ZC3H11C: variants seen among roughly 807,000 people sequenced by gnomAD.
The protein encoded by ZC3H11C is zinc finger CCCH-type containing 11C.
the ZC3H11C span, among the ~76,000 whole-genome samples, chr6:65,305,920 G>A: frequency 1.7e-3 from 254 of 152,266 alleles, 8 homozygotes; most frequent in East Asian, 0.04. Flanking sequence ...GGCTGTAGCA[G>A]TACACTGAAT....
chr6:65,306,233 G>A, the ZC3H11C span, among the ~76,000 whole-genome samples: 2 of 152,222 alleles, frequency 1.3e-5, no homozygotes, highest in Admixed American at 6.5e-5. Flanking sequence ...AGGAACTGCT[G>A]TTGTAAGCGG....
At chr6:65,305,767 T>C in the ZC3H11C span, among the ~76,000 whole-genome samples, 1 of 152,228 alleles carries the variant, frequency 6.6e-6, no homozygotes, top group South Asian at 2.1e-4. Flanking sequence ...CTTGCTGGCA[T>C]TGAATTAACA....
At chr6:65,305,338 C>T in the ZC3H11C span, among the ~76,000 whole-genome samples, 2 of 152,134 alleles carry the variant, frequency 1.3e-5, no homozygotes, top group African/African-American at 2.4e-5. Context: ...TCTTGATGTA[C>T]TTAATATTAC....
At chr6:65,301,579 C>A in the ZC3H11C span, among the ~76,000 whole-genome samples, 6 of 152,236 alleles carry the variant, frequency 3.9e-5, no homozygotes, top group Non-Finnish European at 1.5e-5. Flanking sequence ...GGGATAGTGT[C>A]ATCGGTTCGG....
the ZC3H11C span, among the ~76,000 whole-genome samples, chr6:65,302,249 G>A: frequency 2.6e-5 from 4 of 152,198 alleles, no homozygotes; most frequent in Non-Finnish European, 5.9e-5. Flanking sequence ...TCTTGGCAAT[G>A]TGAGGAGGAA....
chr6:65,305,354 T>C, the ZC3H11C span, among the ~76,000 whole-genome samples: 1 of 152,176 alleles, frequency 6.6e-6, no homozygotes, highest in Non-Finnish European at 1.5e-5. Context: ...ATTACCTGAG[T>C]TTGAAATGGA....
chr6:65,301,814 G>A, the ZC3H11C span, among the ~76,000 whole-genome samples: 1 of 152,206 alleles, frequency 6.6e-6, no homozygotes, highest in African/African-American at 2.4e-5. Flanking sequence ...TGTGGGGAAG[G>A]CCTATACTGT....
chr6:65,302,233 A>T, the ZC3H11C span, among the ~76,000 whole-genome samples: 7 of 152,158 alleles, frequency 4.6e-5, no homozygotes, highest in Admixed American at 4.6e-4. Context: ...TGTGGCTGAG[A>T]GGTTTTCTTG....
chr6:65,305,221 G>A, the ZC3H11C span, among the ~76,000 whole-genome samples: 84 of 152,138 alleles, frequency 5.5e-4, 2 homozygotes, highest in African/African-American at 2.0e-3. Flanking sequence ...CCACAAAAAA[G>A]AGACTGAGAG....
At chr6:65,306,515 C>A in the ZC3H11C span, among the ~76,000 whole-genome samples, 2 of 152,022 alleles carry the variant, frequency 1.3e-5, no homozygotes, top group African/African-American at 4.8e-5. Flanking sequence ...GATTCCAGGT[C>A]CCTTTTGTAG....
the ZC3H11C span, chr6:65,302,996 G>A: frequency 2.6e-6 from 4 of 1,520,196 alleles, no homozygotes; most frequent in South Asian, 4.5e-5. Context: ...TGTAATTAAT[G>A]CTGCAGATGA....
At chr6:65,301,544 AAGACGTGGCAGC>A in the ZC3H11C span, among the ~76,000 whole-genome samples, 1 of 152,210 alleles carries the variant, frequency 6.6e-6, no homozygotes, top group Non-Finnish European at 1.5e-5. Flanking sequence ...AGCGAGAAGA[AAGACGTGGCAGC>A]AAGCGGGAGT....
chr6:65,302,423 G>C, the ZC3H11C span: 5 of 636,236 alleles, frequency 7.9e-6, no homozygotes, highest in Non-Finnish European at 1.4e-5. Context: ...TCATTTGGAA[G>C]ATTAAACCCA....
At chr6:65,306,244 C>T in the ZC3H11C span, among the ~76,000 whole-genome samples, 1 of 152,228 alleles carries the variant, frequency 6.6e-6, no homozygotes, top group Admixed American at 6.5e-5. Flanking sequence ...TTGTAAGCGG[C>T]TCATCAAGAG....
chr6:65,302,185 G>C, the ZC3H11C span, among the ~76,000 whole-genome samples: 1 of 152,174 alleles, frequency 6.6e-6, no homozygotes, highest in Non-Finnish European at 1.5e-5. Context: ...TCTCCCAGTA[G>C]TTGGGAGATG....
the ZC3H11C span, among the ~76,000 whole-genome samples, chr6:65,306,057 T>A: frequency 6.6e-6 from 1 of 152,212 alleles, no homozygotes; most frequent in Non-Finnish European, 1.5e-5. Context: ...GGTTTAGATT[T>A]GTGAAGGAAT....
the ZC3H11C span, among the ~76,000 whole-genome samples, chr6:65,305,984 G>A: frequency 6.6e-6 from 1 of 152,276 alleles, no homozygotes; most frequent in African/African-American, 2.4e-5. Context: ...ATACCTGCCA[G>A]TTTTCTTCAT....
At chr6:65,302,909 A>T in the ZC3H11C span, 1 of 1,613,942 alleles carries the variant, frequency 6.2e-7, no homozygotes. Context: ...TGTCCAGTCC[A>T]ATCCTTCCCC....
At chr6:65,301,812 A>T in the ZC3H11C span, among the ~76,000 whole-genome samples, 1 of 152,166 alleles carries the variant, frequency 6.6e-6, no homozygotes, top group African/African-American at 2.4e-5. Flanking sequence ...CCTGTGGGGA[A>T]GGCCTATACT....
Sources: allele counts gnomAD v4.1 joint callset (sites outside exome capture counted in the v4.1 genomes callset), GRCh38; gene constraint gnomAD v4.1.1; transcripts MANE v1.5; gene names NCBI Gene and HGNC (gene_info 2026-07-23, HGNC 2026-07-21).